IRAG1: variants seen among roughly 807,000 people sequenced by gnomAD.
The protein encoded by IRAG1 is inositol 1,4,5-triphosphate receptor associated 1.
In IRAG1, 62 loss-of-function variants were observed where a neutral mutation model predicts 106.2. That is an observed-to-expected ratio of 0.58 (90% CI 0.48 to 0.72). The LOEUF (loss-of-function observed/expected upper bound fraction) is 0.72, where lower values mean the gene tolerates loss of function less well. IRAG1 is among the 30% of genes least tolerant of loss of function. IRAG1 has a pLI of 0.00. For synonymous variants in IRAG1, 462 were observed against 443.9 expected, an observed-to-expected ratio of 1.04 and a Z score of -0.51; for missense variants, 1,064 against 1,140.7, an observed-to-expected ratio of 0.93 and a Z score of 0.97.
chr11:10,618,256 C>G (rs1855579269), intron 10 of IRAG1, among the ~76,000 whole-genome samples: 1 of 152,172 alleles, frequency 6.6e-6, no homozygotes, highest in African/African-American at 2.4e-5. Flanking sequence ...TCCTGAAAAC[C>G]TTCCCTGACT....
At chr11:10,606,811 C>A in intron 11 of IRAG1, 39 bp from the exon 12 acceptor site, 2 of 1,550,974 alleles carry the variant, frequency 1.3e-6, no homozygotes, top group East Asian at 2.4e-5. Context: ...TGTGTGCAAC[C>A]TAGTCAATAG....
chr11:10,652,238 G>A (rs1858583346), intron 1 of IRAG1, 56 bp from the exon 2 acceptor site: 1 of 1,596,474 alleles, frequency 6.3e-7, no homozygotes, highest in Non-Finnish European at 8.6e-7. Context: ...TCCCAAGCTG[G>A]GTTCCATTTC....
At position 10,628,241 on chromosome 11, in the gene IRAG1, C is replaced by T; in HGVS notation, c.653-216G>A. ...CTGAGGCACAGGGAAATCAAAGTCT[C>T]ATGGCCAGGAAATGTCAGCACTGAG... is the stretch of plus-strand genomic sequence containing the variant. On this transcript the variant is annotated intron_variant, in intron 6 of 20. Transcript: ENST00000423302. This position sits in a 1 kb window ranked among gnomAD's most constrained non-coding sequence, Gnocchi z 4.1. 1 of 677,670 alleles carries T rather than the reference C, an allele frequency of 1.5e-6. No homozygotes were observed. Among genetic ancestry groups the T allele is most frequent in the Non-Finnish European group, 2.7e-6 (1 of 374,048 alleles). The allele number at this position is 677,670 out of a possible 1,614,324, so 42.0% of individuals were successfully genotyped here.
At chr11:10,629,829 C>A in intron 4 of IRAG1, 118 bp from the exon 5 acceptor site, 1 of 1,091,522 alleles carries the variant, frequency 9.2e-7, no homozygotes, top group Non-Finnish European at 1.3e-6. Context: ...GCCAGCCAAA[C>A]CTCAGCCCAG....
intron 1 of IRAG1, among the ~76,000 whole-genome samples, chr11:10,666,409 G>T (rs1859788704): frequency 6.6e-6 from 1 of 152,208 alleles, no homozygotes; most frequent in Admixed American, 6.5e-5. Flanking sequence ...CAAGCCCAGG[G>T]TTCTGCTCAG....
At chr11:10,587,281 G>A (rs1174504583) in intron 18 of IRAG1, among the ~76,000 whole-genome samples, 1 of 152,138 alleles carries the variant, frequency 6.6e-6, no homozygotes, top group African/African-American at 2.4e-5. Flanking sequence ...TTCCCACATG[G>A]TAAACAATAT....
At chr11:10,587,321 G>T (rs1361970798) in intron 18 of IRAG1, among the ~76,000 whole-genome samples, 3 of 152,146 alleles carry the variant, frequency 2.0e-5, no homozygotes, top group African/African-American at 7.2e-5. Context: ...TTTGTGATCG[G>T]CATATCTTCT....
At chr11:10,680,401 G>GAAGGAAGGAAGGAAAGA (rs1861115031) in intron 1 of IRAG1, among the ~76,000 whole-genome samples, 2 of 123,920 alleles carry the variant, frequency 1.6e-5, no homozygotes, top group African/African-American at 6.9e-5. Flanking sequence ...AGGAAGGAAG[G>GAAGGAAGGAAGGAAAGA]AAGGAAAGAA....
intron 1 of IRAG1, among the ~76,000 whole-genome samples, chr11:10,664,296 C>T (rs181972269): frequency 9.8e-5 from 15 of 152,294 alleles, no homozygotes; most frequent in Admixed American, 9.2e-4. Flanking sequence ...GTCCCCGCCT[C>T]CTGTTCATCT....
At chr11:10,580,640 T>A in intron 19 of IRAG1, 51 bp from the exon 20 acceptor site, 15 of 1,593,836 alleles carry the variant, frequency 9.4e-6, no homozygotes, top group African/African-American at 1.4e-5. Context: ...ATGCAGTGCA[T>A]CCTTTCCTGA....
intron 4 of IRAG1, among the ~76,000 whole-genome samples, chr11:10,630,322 A>G (rs1314377161): frequency 1.1e-4 from 17 of 149,562 alleles, no homozygotes. Context: ...TTACCTATAA[A>G]CATCTCTGGA....
intron 10 of IRAG1, among the ~76,000 whole-genome samples, chr11:10,620,810 T>C (rs1855779094): frequency 6.6e-6 from 1 of 152,164 alleles, no homozygotes; most frequent in Non-Finnish European, 1.5e-5. Flanking sequence ...TGAACACTTA[T>C]CTCAAGGGAA....
At position 10,641,619 on chromosome 11, in the gene IRAG1, AC is replaced by A. The variant is rs572427492; in HGVS notation, c.226-7549del. 9.2e-5 allele frequency among the ~76,000 whole-genome samples: 14 copies of A among 151,878 alleles called. No individual in the cohort carries two copies. The South Asian group carries it at 2.9e-3, about 32-fold the overall frequency. On this transcript the variant is annotated intron_variant, in intron 2 of 20. Coordinates refer to ENST00000423302, the MANE Select transcript of IRAG1 (RefSeq NM_130385.4). ...CACTGTGTGGTGGGCCCTGTCCCAGACCCCCCTCGTGTTTTCTCACCGAATC... is the reference window on the plus strand; with the variant it reads ...CACTGTGTGGTGGGCCCTGTCCCAGACCCCCTCGTGTTTTCTCACCGAATC...
chr11:10,636,977 A>G lies in IRAG1; in HGVS notation c.226-2906T>C, dbSNP rs76949913. 6.8e-3 allele frequency among the ~76,000 whole-genome samples: 1,029 copies of G among 152,336 alleles called. 3 individuals are homozygous for G. The highest frequency in any genetic ancestry group is 0.024 in the African/African-American group (979 of 41,564). ...GGGCTGGGGGAATTGTGAAAGTACA[A>G]TAAGAGATTGAGCCAGCTTCTGAAG... On this transcript the variant is annotated intron_variant, in intron 2 of 20. Transcript: ENST00000423302.
At chr11:10,597,351 G>A (rs1005842848) in intron 15 of IRAG1, among the ~76,000 whole-genome samples, 12 of 151,884 alleles carry the variant, frequency 7.9e-5, no homozygotes, top group African/African-American at 1.9e-4. Context: ...AGTTAGAGAC[G>A]GTCTCACTCT....
intron 2 of IRAG1, among the ~76,000 whole-genome samples, chr11:10,637,518 TGGCCAAA>T (rs2134717404): frequency 6.6e-6 from 1 of 152,296 alleles, no homozygotes; most frequent in Non-Finnish European, 1.5e-5. Flanking sequence ...AATGGCACAA[TGGCCAAA>T]GGCCTGCTCT....
chr11:10,668,283 C>A (rs1294740544), intron 1 of IRAG1, among the ~76,000 whole-genome samples: 2 of 152,194 alleles, frequency 1.3e-5, no homozygotes, highest in Admixed American at 6.5e-5. Flanking sequence ...CTTTCAATGT[C>A]CTCACAAATT....
At position 10,576,203 on chromosome 11, in the gene IRAG1, A is replaced by C; in HGVS notation, c.*129T>G. On this transcript the variant is annotated 3_prime_UTR_variant, in exon 21 of 21. Coordinates refer to ENST00000423302, the MANE Select transcript of IRAG1 (RefSeq NM_130385.4). ...GCTCCCACAGAAGTGCCGAGTGTTAAAAGAACCCTTCCTCATGACCTGATG... is the reference window on the plus strand; with the variant it reads ...GCTCCCACAGAAGTGCCGAGTGTTACAAGAACCCTTCCTCATGACCTGATG... The C allele has an allele frequency of 7.9e-7, 1 of 1,259,888 alleles. No individual in the cohort carries two copies. Among genetic ancestry groups the C allele is most frequent in the Non-Finnish European group, 1.1e-6 (1 of 916,590 alleles). The allele number at this position is 1,259,888 out of a possible 1,614,324, so 78.0% of individuals were successfully genotyped here.
intron 2 of IRAG1, among the ~76,000 whole-genome samples, chr11:10,648,844 G>A (rs1253692262): frequency 6.6e-6 from 1 of 152,174 alleles, no homozygotes; most frequent in Admixed American, 6.5e-5. Flanking sequence ...TGCAGAAAGA[G>A]AAACAGGATC....
Sources: allele counts gnomAD v4.1 joint callset (sites outside exome capture counted in the v4.1 genomes callset), GRCh38; gene constraint gnomAD v4.1.1; non-coding constraint Gnocchi (gnomAD v3.1); transcripts MANE v1.5; gene names NCBI Gene and HGNC (gene_info 2026-07-23, HGNC 2026-07-21).